Variants in NARS2 observed in about 807,000 individuals in gnomAD.
NARS2 encodes the protein asparaginyl-tRNA synthetase 2, mitochondrial.
In NARS2, 60 loss-of-function variants were observed where a neutral mutation model predicts 62.9. That is an observed-to-expected ratio of 0.95 (90% CI 0.77 to 1.18). The LOEUF (loss-of-function observed/expected upper bound fraction) is 1.18, where lower values mean the gene tolerates loss of function less well. Ranked by LOEUF, NARS2 falls within the 50% of genes most tolerant of loss-of-function variation. The probability of loss-of-function intolerance (pLI) is 0.00; values close to 1 mark genes in which losing one functional copy is unlikely to be tolerated. For synonymous variants in NARS2, 196 were observed against 200.0 expected (o/e 0.98, Z 0.17); for missense variants, 619 against 576.4 (o/e 1.07, Z -0.76).
intron 5 of NARS2, among the ~76,000 whole-genome samples, chr11:78,548,689 A>G (rs562133484): frequency 1.3e-5 from 2 of 152,336 alleles, no homozygotes; most frequent in East Asian, 3.9e-4. Context: ...GGTGGTAAAA[A>G]GTAGCCAAGA....
chr11:78,572,976 A>C (rs983060027), intron 1 of NARS2, among the ~76,000 whole-genome samples: 6 of 152,226 alleles, frequency 3.9e-5, no homozygotes, highest in African/African-American at 1.4e-4. Flanking sequence ...ACCTCACAGG[A>C]CTAAACTGAA....
chr11:78,506,710 A>G (rs1046296619), intron 6 of NARS2, among the ~76,000 whole-genome samples: 1 of 152,054 alleles, frequency 6.6e-6, no homozygotes, highest in Non-Finnish European at 1.5e-5. Flanking sequence ...TAATTTTTGT[A>G]TATTTAGTAC....
At chr11:78,536,247 A>C (rs1191836007) in intron 5 of NARS2, among the ~76,000 whole-genome samples, 1 of 152,244 alleles carries the variant, frequency 6.6e-6, no homozygotes, top group Non-Finnish European at 1.5e-5. Context: ...TTACTGATTT[A>C]CATATTTATT....
intron 6 of NARS2, among the ~76,000 whole-genome samples, chr11:78,513,862 A>G (rs7938257): frequency 0.79 from 120,636 of 151,894 alleles, 48,306 homozygotes; most frequent in African/African-American, 0.84. Flanking sequence ...TCTGGATCAT[A>G]GGGGTGGATC....
intron 5 of NARS2, among the ~76,000 whole-genome samples, chr11:78,550,402 T>C (rs559306618): frequency 4.6e-5 from 7 of 152,336 alleles, no homozygotes; most frequent in East Asian, 1.9e-4. Flanking sequence ...TTTCTGTCTA[T>C]AAAACCTCAG....
intron 7 of NARS2, among the ~76,000 whole-genome samples, chr11:78,483,040 C>G (rs1005901742): frequency 6.6e-6 from 1 of 152,128 alleles, no homozygotes; most frequent in South Asian, 2.1e-4. Context: ...GCTTATCCAC[C>G]ACGATCAAGT....
intron 5 of NARS2, among the ~76,000 whole-genome samples, chr11:78,557,214 T>C (rs1302747948): frequency 6.6e-6 from 1 of 152,220 alleles, no homozygotes; most frequent in East Asian, 1.9e-4. Flanking sequence ...AAAGCTGCCC[T>C]CTTATCTTTA....
At chr11:78,442,657 T>C (rs1412156401) in intron 12 of NARS2, among the ~76,000 whole-genome samples, 1 of 151,440 alleles carries the variant, frequency 6.6e-6, no homozygotes, top group Non-Finnish European at 1.5e-5. Flanking sequence ...GTACTTTTAC[T>C]AAAGTAGGAA....
At chr11:78,452,892 A>T (rs892418194) in intron 11 of NARS2, among the ~76,000 whole-genome samples, 4 of 152,224 alleles carry the variant, frequency 2.6e-5, no homozygotes, top group Non-Finnish European at 5.9e-5. Context: ...GATATAATTC[A>T]AAGAGAAAGG....
At chr11:78,525,914 T>A (rs945229026) in intron 6 of NARS2, among the ~76,000 whole-genome samples, 2 of 152,046 alleles carry the variant, frequency 1.3e-5, no homozygotes, top group African/African-American at 4.8e-5. Context: ...CCTAGTCTAA[T>A]CATGAGAAAA....
At chr11:78,522,210 A>G (rs1254500695) in intron 6 of NARS2, among the ~76,000 whole-genome samples, 1 of 149,914 alleles carries the variant, frequency 6.7e-6, no homozygotes, top group East Asian at 2.0e-4. Context: ...CTTCCACCTC[A>G]GCCTCCCAAA....
In NARS2 at chr11:78,466,011, C is replaced by T. The variant is rs1384408807; in HGVS notation, c.1029G>A (p.Trp343Ter). Residue 343 changes from tryptophan (W) to a stop codon, truncating the protein, a stop_gained and splice_region_variant, in exon 11 of 14, where the codon TGG (tryptophan) becomes TGA (stop). Transcript: ENST00000281038. LOFTEE classifies it high-confidence loss of function. ...ASQNFTFTPE[W>*]GADLRTEHEK... Reference sequence around the variant, plus strand: ...CATGTTCAGTCCGTAGGTCAGCACCCCACTGTAATGAGAAGAAAGAAATGA... The same window carrying T: ...CATGTTCAGTCCGTAGGTCAGCACCTCACTGTAATGAGAAGAAAGAAATGA... 1 of 1,593,404 alleles carries T rather than the reference C, an allele frequency of 6.3e-7. No homozygotes were observed.
intron 3 of NARS2, among the ~76,000 whole-genome samples, chr11:78,568,252 T>C (rs778732419): frequency 1.5e-4 from 23 of 152,128 alleles, no homozygotes; most frequent in Admixed American, 5.2e-4. Flanking sequence ...TTTTAATGGA[T>C]TTAATACCAA....
Position 78,446,731 on chromosome 11 carries a change from T to G in NARS2, c.1165-2973A>C, listed in dbSNP as rs566394452. ...GATTTAAATATAAGATCTGAAATCA[T>G]AAAACTACCAGAAATAAATATAGAG... On this transcript the variant is annotated intron_variant, in intron 11 of 13. Transcript: ENST00000281038. 1.2e-4 allele frequency among the ~76,000 whole-genome samples: 19 copies of G among 152,238 alleles called. No individual in the cohort carries two copies. The South Asian group carries it at 3.9e-3, about 32-fold the overall frequency.
intron 2 of NARS2, among the ~76,000 whole-genome samples, chr11:78,569,987 G>C (rs1473721499): frequency 1.3e-5 from 2 of 152,116 alleles, no homozygotes; most frequent in Non-Finnish European, 2.9e-5. Flanking sequence ...TCAGGAGTTC[G>C]AGACCAGCCT....
At position 78,561,725 on chromosome 11, in the gene NARS2, G is replaced by A. The variant is rs1427441790; in HGVS notation, c.514-2106C>T. Among the ~76,000 whole-genome samples, 7 of 152,244 alleles carry A rather than the reference G, an allele frequency of 4.6e-5. No individual in the cohort carries two copies. In the South Asian group the frequency reaches 8.3e-4, roughly 18 times the overall value. ...GAAAGGAATTGCTAGCCACAGGCAG[G>A]CCATAGACAACATAAAGTGACAGCA... On this transcript the variant is annotated intron_variant, in intron 4 of 13. Transcript: ENST00000281038.
intron 11 of NARS2, among the ~76,000 whole-genome samples, chr11:78,451,534 C>T (rs750879254): frequency 3.9e-5 from 6 of 152,042 alleles, no homozygotes; most frequent in Non-Finnish European, 8.8e-5. Flanking sequence ...TTGGCATTTG[C>T]GGGTGATGAC....
At chr11:78,492,195 C>T (rs1435240453) in intron 7 of NARS2, among the ~76,000 whole-genome samples, 2 of 151,310 alleles carry the variant, frequency 1.3e-5, no homozygotes, top group African/African-American at 2.4e-5. Flanking sequence ...ATTTTTATTC[C>T]TATGTATTGG....
In NARS2 at chr11:78,516,214, G is replaced by T. The variant is rs112313789; in HGVS notation, c.689+12628C>A. Among the ~76,000 whole-genome samples the T allele has an allele frequency of 8.8e-3, 1,343 of 152,260 alleles. 28 individuals are homozygous for T. The highest frequency in any genetic ancestry group is 0.031 in the African/African-American group (1,288 of 41,542). ...GACATAAAAGTACAGAGACATCCCA[G>T]AGCCAAACACAAACAACATGTATTA... On this transcript the variant is annotated intron_variant, in intron 6 of 13. Coordinates refer to ENST00000281038, the MANE Select transcript of NARS2 (RefSeq NM_024678.6).
Sources: allele counts gnomAD v4.1 joint callset (sites outside exome capture counted in the v4.1 genomes callset), GRCh38; gene constraint gnomAD v4.1.1; transcripts MANE v1.5; gene names NCBI Gene and HGNC (gene_info 2026-07-23, HGNC 2026-07-21).